Variants in VAV3 observed in about 807,000 individuals in gnomAD.
VAV3 encodes the protein vav guanine nucleotide exchange factor 3, also known as guanine nucleotide exchange factor VAV3.
A neutral mutation model predicts 131.2 loss-of-function variants in VAV3; 94 were observed. The ratio of observed to expected loss-of-function variants is 0.72; its 90% CI spans 0.61 to 0.85. The LOEUF (loss-of-function observed/expected upper bound fraction) is 0.85. Among genes scored for constraint, VAV3 ranks in the 40% least tolerant of loss-of-function variants. VAV3 has a pLI of 0.00. For synonymous variants in VAV3, 349 were observed against 342.0 expected, an observed-to-expected ratio of 1.02 and a Z score of -0.22; for missense variants, 939 against 1,002.7, an observed-to-expected ratio of 0.94 and a Z score of 0.86.
chr1:107,907,432 A>G (rs1031323287), intron 1 of VAV3, among the ~76,000 whole-genome samples: 1 of 152,154 alleles, frequency 6.6e-6, no homozygotes, highest in Non-Finnish European at 1.5e-5. Context: ...AAATTTTAAG[A>G]TATATGTATA....
At chr1:107,760,934 C>T in intron 9 of VAV3, 55 bp from the exon 10 acceptor site, 1 of 1,278,194 alleles carries the variant, frequency 7.8e-7, no homozygotes, top group Non-Finnish European at 1.1e-6. Context: ...TTAAAAGATG[C>T]AAAGGCCCTA....
At chr1:107,726,350 C>T (rs1368185083) in intron 15 of VAV3, among the ~76,000 whole-genome samples, 2 of 152,184 alleles carry the variant, frequency 1.3e-5, no homozygotes, top group Non-Finnish European at 2.9e-5. Flanking sequence ...AGGAATTCCG[C>T]CAGAAAGTCC....
chr1:107,616,914 AC>A (rs1346895546), intron 21 of VAV3, among the ~76,000 whole-genome samples: 3 of 152,272 alleles, frequency 2.0e-5, no homozygotes, highest in African/African-American at 7.2e-5. Context: ...GGAAAACGTC[AC>A]CCATAATACC....
chr1:107,696,671 G>C (rs1659768586), intron 17 of VAV3, among the ~76,000 whole-genome samples: 1 of 152,118 alleles, frequency 6.6e-6, no homozygotes, highest in African/African-American at 2.4e-5. Flanking sequence ...TTAAGGGGGG[G>C]TCTGATCTAT....
At chr1:107,752,380 A>G (rs1200001866) in intron 12 of VAV3, among the ~76,000 whole-genome samples, 1 of 152,256 alleles carries the variant, frequency 6.6e-6, no homozygotes, top group Non-Finnish European at 1.5e-5. Context: ...AGTTAAAACT[A>G]TAAAACTTTT....
At chr1:107,621,753 C>T (rs991341350) in intron 20 of VAV3, among the ~76,000 whole-genome samples, 30 of 152,036 alleles carry the variant, frequency 2.0e-4, no homozygotes, top group Admixed American at 1.8e-3. Flanking sequence ...TATCCTCCTG[C>T]CTCGTATTTG....
At chr1:107,777,550 G>A in intron 3 of VAV3, 4 of 530,722 alleles carry the variant, frequency 7.5e-6, no homozygotes, top group Non-Finnish European at 1.4e-5. Flanking sequence ...GGTCACCACA[G>A]TCACATGTGC....
intron 12 of VAV3, among the ~76,000 whole-genome samples, chr1:107,753,815 C>G (rs1663932858): frequency 6.6e-6 from 1 of 151,904 alleles, no homozygotes; most frequent in African/African-American, 2.4e-5. Flanking sequence ...CCGCCTCGGC[C>G]TCCCAAAGTG....
intron 1 of VAV3, among the ~76,000 whole-genome samples, chr1:107,955,542 C>G (rs969072823): frequency 6.6e-6 from 1 of 152,106 alleles, no homozygotes; most frequent in African/African-American, 2.4e-5. Context: ...GCAAGAAATG[C>G]TGCATTCTAC....
intron 2 of VAV3, among the ~76,000 whole-genome samples, chr1:107,842,633 G>C (rs935022105): frequency 1.3e-5 from 2 of 152,132 alleles, no homozygotes; most frequent in Non-Finnish European, 2.9e-5. Context: ...AGCTCAATGA[G>C]ATTTCATTCT....
intron 4 of VAV3, among the ~76,000 whole-genome samples, chr1:107,776,862 C>T (rs193201201): frequency 2.2e-4 from 33 of 152,308 alleles, no homozygotes; most frequent in African/African-American, 7.5e-4. Context: ...CCAACCCACA[C>T]TTATCTCTCC....
intron 25 of VAV3, among the ~76,000 whole-genome samples, chr1:107,584,389 A>T (rs11185139): frequency 0.35 from 53,929 of 152,108 alleles, 9,948 homozygotes; most frequent in Middle Eastern, 0.43. Flanking sequence ...ATGGCAACAA[A>T]AGCCAAAATT....
At chr1:107,831,022 C>T (rs138070806) in intron 2 of VAV3, among the ~76,000 whole-genome samples, 7 of 152,306 alleles carry the variant, frequency 4.6e-5, no homozygotes, top group Middle Eastern at 3.4e-3. Flanking sequence ...ACAAATACTT[C>T]TACAGGTTGA....
chr1:107,707,247 A>G (rs530245716), intron 15 of VAV3, among the ~76,000 whole-genome samples: 10 of 152,334 alleles, frequency 6.6e-5, no homozygotes, highest in Non-Finnish European at 2.9e-5. Context: ...TGTTAACTCT[A>G]TGACCCTGAA....
chr1:107,740,873 T>C (rs573651426), intron 15 of VAV3, among the ~76,000 whole-genome samples: 3 of 152,342 alleles, frequency 2.0e-5, no homozygotes, highest in Admixed American at 1.3e-4. Context: ...ACAGATACCA[T>C]ATGGCCCACA....
At chr1:107,620,611 T>G (rs545447335) in intron 20 of VAV3, among the ~76,000 whole-genome samples, 6 of 152,244 alleles carry the variant, frequency 3.9e-5, no homozygotes, top group African/African-American at 1.2e-4. Flanking sequence ...ACTTTTTTTT[T>G]GTTCACACAG....
Position 107,768,527 on chromosome 1 carries a change from GA to G in VAV3, c.649-19del. ...ATGAAATACTACCAGGAAAGAAGAA[GA>G]AAATAGTAATTAAGTATAACTTGTC... On this transcript the variant is annotated intron_variant, in intron 6 of 26. Coordinates refer to ENST00000370056, the MANE Select transcript of VAV3 (RefSeq NM_006113.5). 1 of 1,593,542 alleles carries G rather than the reference GA, an allele frequency of 6.3e-7. No individual in the cohort carries two copies. Among genetic ancestry groups the G allele is most frequent in the Non-Finnish European group, 8.6e-7 (1 of 1,163,382 alleles).
Position 107,935,097 on chromosome 1 carries a change from A to G in VAV3, c.204+29569T>C, listed in dbSNP as rs76419057. ...AACATTCATATCAGCCAATTTGCCA[A>G]TGAGAACAATTGGCAGTGTTCTACT... is the stretch of plus-strand genomic sequence containing the variant. On this transcript the variant is annotated intron_variant, in intron 1 of 26. Coordinates refer to ENST00000370056, the MANE Select transcript of VAV3 (RefSeq NM_006113.5). Among the ~76,000 whole-genome samples the G allele has an allele frequency of 5.4e-3, 816 of 152,348 alleles. 7 individuals carry two copies. The highest frequency in any genetic ancestry group is 0.018 in the African/African-American group (765 of 41,586).
intron 2 of VAV3, among the ~76,000 whole-genome samples, chr1:107,839,066 C>G (rs375894528): frequency 1.3e-5 from 2 of 152,168 alleles, no homozygotes; most frequent in African/African-American, 4.8e-5. Flanking sequence ...ACCTCTGTAA[C>G]AAACCTGCAC....
Sources: gnomAD v4.1 joint callset for allele counts (sites outside exome capture counted in the v4.1 genomes callset) on GRCh38, gnomAD v4.1.1 for gene constraint, MANE v1.5 for transcripts, NCBI Gene and HGNC (gene_info 2026-07-23, HGNC 2026-07-21) for gene names.